Variants in SSBP1 observed in about 807,000 individuals in gnomAD.
The protein encoded by SSBP1 is single-stranded DNA-binding protein, mitochondrial.
In SSBP1, 20 loss-of-function variants were observed where a neutral mutation model predicts 27.0. That is an observed-to-expected ratio of 0.74 (90% CI 0.52 to 1.08). The LOEUF (loss-of-function observed/expected upper bound fraction) is 1.08, where lower values mean the gene tolerates loss of function less well. Among genes scored for constraint, SSBP1 ranks in the 50% least tolerant of loss-of-function variants. The pLI, the probability that SSBP1 is intolerant of heterozygous loss-of-function variation, is 0.00. For missense variants in SSBP1, 137 were observed against 182.4 expected (o/e 0.75, Z 1.44); for synonymous variants, 59 against 59.3 (o/e 1.00, Z 0.02).
intron 2 of SSBP1, chr7:141,741,788 C>A (rs1017746223): frequency 3.0e-6 from 3 of 1,005,118 alleles, no homozygotes; most frequent in Non-Finnish European, 3.6e-6. Flanking sequence ...GGCAGCAACT[C>A]TTAGGTACAG....
At chr7:141,750,207 C>T in intron 6 of SSBP1, 104 bp from the exon 7 acceptor site, 1 of 810,332 alleles carries the variant, frequency 1.2e-6, no homozygotes, top group South Asian at 1.7e-5. Context: ...TGGCTAAAAT[C>T]CTTTTAATGA....
At chr7:141,745,928 C>T in intron 6 of SSBP1, 1 of 1,027,304 alleles carries the variant, frequency 9.7e-7, no homozygotes, top group Non-Finnish European at 1.2e-6. Flanking sequence ...AAGCGTATGC[C>T]AAGATAAGAA....
intron 6 of SSBP1, among the ~76,000 whole-genome samples, chr7:141,747,624 G>A (rs1016654820): frequency 2.4e-4 from 37 of 151,452 alleles, no homozygotes; most frequent in African/African-American, 8.7e-4. Flanking sequence ...TCCTGACCTC[G>A]TGATCTGCCC....
intron 6 of SSBP1, among the ~76,000 whole-genome samples, chr7:141,748,052 G>C (rs913320435): frequency 6.9e-6 from 1 of 145,288 alleles, no homozygotes; most frequent in African/African-American, 2.5e-5. Flanking sequence ...TGTCAAACAT[G>C]TATAAGAGCA....
At chr7:141,747,649 A>G (rs962799082) in intron 6 of SSBP1, among the ~76,000 whole-genome samples, 1 of 151,242 alleles carries the variant, frequency 6.6e-6, no homozygotes, top group South Asian at 2.1e-4. Context: ...CAGCCTCCCA[A>G]AGTGCTGGGA....
chr7:141,749,223 A>G (rs974550785), intron 6 of SSBP1, among the ~76,000 whole-genome samples: 2 of 152,252 alleles, frequency 1.3e-5, no homozygotes, highest in Non-Finnish European at 1.5e-5. Context: ...TTTAAAGTAT[A>G]TAAGAGGAAG....
rs146069599 is a variant in SSBP1 at position 141,742,617 on chromosome 7, C to G, written c.85+388C>G. 6.6e-3 allele frequency among the ~76,000 whole-genome samples: 1,002 copies of G among 152,050 alleles called. 10 individuals carry two copies. Among genetic ancestry groups the G allele is most frequent in the East Asian group, 0.025 (127 of 5,182 alleles). On this transcript the variant is annotated intron_variant, in intron 3 of 6. Transcript: ENST00000265304. Reference sequence around the variant, plus strand: ...AGATTTGTTCTTTTAGCTCCACAGTCAGTTAAAAAAGATATCTTAAAGAAT... The same window carrying G: ...AGATTTGTTCTTTTAGCTCCACAGTGAGTTAAAAAAGATATCTTAAAGAAT...
intron 2 of SSBP1, chr7:141,739,497 C>G (rs763889658): frequency 1.8e-5 from 5 of 272,092 alleles, no homozygotes; most frequent in Non-Finnish European, 2.7e-5. Context: ...CTGTAGGAAT[C>G]ATTGTTCCAA....
In SSBP1 at chr7:141,743,895, G is replaced by C. The variant is rs1453772520; in HGVS notation, c.227-7G>C. On this transcript the variant is annotated splice_region_variant and splice_polypyrimidine_tract_variant and intron_variant, in intron 4 of 6. Coordinates refer to ENST00000265304, the MANE Select transcript of SSBP1 (RefSeq NM_003143.3). ...TTTGTAACCAATTTCCTATTTTTAT[G>C]ATTTAGGTGATGTCAGTCAAAAGAC... The C allele has an allele frequency of 1.9e-6, 3 of 1,604,780 alleles. No individual in the cohort carries two copies. Among genetic ancestry groups the C allele is most frequent in the Non-Finnish European group, 2.5e-6 (3 of 1,178,226 alleles).
intron 6 of SSBP1, among the ~76,000 whole-genome samples, chr7:141,748,858 C>T (rs1799873450): frequency 6.6e-6 from 1 of 152,148 alleles, no homozygotes; most frequent in South Asian, 2.1e-4. Context: ...GTGGATGGCA[C>T]TCTTGGCTTT....
At chr7:141,738,564 C>T (rs1160950587) in intron 1 of SSBP1, 154 bp downstream of exon 1, 1 of 152,576 alleles carries the variant, frequency 6.6e-6, no homozygotes, top group African/African-American at 2.4e-5. Context: ...TCCAGTTCTC[C>T]TCGGTTTTCA....
intron 5 of SSBP1, among the ~76,000 whole-genome samples, chr7:141,744,923 CG>C (rs1200451038): frequency 2.6e-5 from 4 of 151,874 alleles, no homozygotes; most frequent in Non-Finnish European, 4.4e-5. Context: ...TTGAAAATCA[CG>C]ATTAGGTTTG....
chr7:141,746,642 G>T (rs145153125), intron 6 of SSBP1: 1 of 152,056 alleles, frequency 6.6e-6, no homozygotes, highest in African/African-American at 2.4e-5. Flanking sequence ...CATTATGCCC[G>T]GCCTAATATT....
rs1563027488 is a variant in SSBP1 at position 141,743,716 on chromosome 7, C to G, written c.226+15C>G. The stretch of plus-strand genomic sequence containing the variant: ...TTACCAACTGGGTGAGTACAAAAGA[C>G]TGGGGTTTTAATTTTATCAGCAATA... On this transcript the variant is annotated intron_variant, in intron 4 of 6. Coordinates refer to ENST00000265304, the MANE Select transcript of SSBP1 (RefSeq NM_003143.3). The G allele has an allele frequency of 6.2e-7, 1 of 1,610,156 alleles. No homozygotes were observed. Among genetic ancestry groups the G allele is most frequent in the Non-Finnish European group, 8.5e-7 (1 of 1,178,204 alleles).
chr7:141,747,383 A>ATTTT (rs1320451586), intron 6 of SSBP1, among the ~76,000 whole-genome samples: 71 of 94,466 alleles, frequency 7.5e-4, no homozygotes, highest in East Asian at 5.4e-3. Flanking sequence ...CCCAAATTAG[A>ATTTT]TTTTTTTTTT....
intron 6 of SSBP1, among the ~76,000 whole-genome samples, chr7:141,746,878 A>G (rs1048066771): frequency 2.6e-5 from 4 of 152,230 alleles, no homozygotes; most frequent in African/African-American, 4.8e-5. Context: ...TAGCATAGCA[A>G]TGTGATACCT....
At chr7:141,742,969 C>G (rs548243500) in intron 3 of SSBP1, among the ~76,000 whole-genome samples, 8 of 152,334 alleles carry the variant, frequency 5.3e-5, no homozygotes, top group African/African-American at 1.9e-4. Flanking sequence ...ATTCTCCTGC[C>G]TCAGCCTTCC....
In SSBP1 at chr7:141,743,571, T is replaced by A. The variant is rs755633745; in HGVS notation, c.96T>A (p.Arg32=). ...GATGTTGTGTTTCAGCCCTGAATCG[T>A]GTGCACTTACTTGGGCGAGTGGGTC... ...TSLVLERSLN[R]VHLLGRVGQD... is the part of the protein sequence containing the mutation. The change falls in exon 4 of 7, where the codon CGT becomes CGA. Residue 32 remains arginine, a synonymous_variant. Coordinates refer to ENST00000265304, the MANE Select transcript of SSBP1 (RefSeq NM_003143.3). The A allele has an allele frequency of 1.2e-6, 2 of 1,614,130 alleles. No homozygotes were observed. Among genetic ancestry groups the A allele is most frequent in the South Asian group, 2.2e-5 (2 of 91,076 alleles).
intron 2 of SSBP1, chr7:141,740,861 T>C (rs1799500713): frequency 6.6e-6 from 1 of 152,202 alleles, no homozygotes; most frequent in African/African-American, 2.4e-5. Flanking sequence ...TTATGTATCA[T>C]AATTTTTGCT....
Sources: allele counts gnomAD v4.1 joint callset (sites outside exome capture counted in the v4.1 genomes callset), GRCh38; gene constraint gnomAD v4.1.1; transcripts MANE v1.5; gene names NCBI Gene and HGNC (gene_info 2026-07-23, HGNC 2026-07-21).